Variants in ERI3 observed in about 807,000 individuals in gnomAD.
The protein encoded by ERI3 is ERI1 exoribonuclease 3.
In ERI3, 18 loss-of-function variants were observed where a neutral mutation model predicts 44.4. The ratio of observed to expected loss-of-function variants is 0.41; its 90% CI spans 0.28 to 0.60. The LOEUF (loss-of-function observed/expected upper bound fraction) is 0.60, where lower values mean the gene tolerates loss of function less well. Among genes scored for constraint, ERI3 ranks in the 20% least tolerant of loss-of-function variants. The probability of loss-of-function intolerance (pLI) is 0.36; values close to 1 mark genes in which losing one functional copy is unlikely to be tolerated. For missense variants in ERI3, 294 were observed against 435.5 expected (o/e 0.68, Z 2.89); for synonymous variants, 183 against 164.8 (o/e 1.11, Z -0.84).
chr1:44,225,925 T>C (rs567513542), intron 8 of ERI3, among the ~76,000 whole-genome samples: 14 of 152,320 alleles, frequency 9.2e-5, no homozygotes, highest in African/African-American at 3.1e-4. Context: ...TTGTACCATA[T>C]GGCTTCTGAG....
intron 2 of ERI3, 78 bp from the exon 3 acceptor site, chr1:44,339,400 A>C: frequency 2.2e-6 from 3 of 1,392,282 alleles, no homozygotes; most frequent in African/African-American, 1.5e-5. Flanking sequence ...AGCCTGGGTT[A>C]CTCCCTCCCA....
chr1:44,222,537 G>A (rs1212540939), intron 8 of ERI3, among the ~76,000 whole-genome samples: 4 of 152,188 alleles, frequency 2.6e-5, no homozygotes, highest in African/African-American at 9.7e-5. Flanking sequence ...GAGGCTGGAG[G>A]ATCAGGCCTC....
intron 2 of ERI3, among the ~76,000 whole-genome samples, chr1:44,352,285 T>C (rs1181758384): frequency 6.6e-6 from 1 of 152,140 alleles, no homozygotes; most frequent in Non-Finnish European, 1.5e-5. Context: ...TCAAATACAT[T>C]AGCAAAAGCC....
intron 8 of ERI3, among the ~76,000 whole-genome samples, chr1:44,226,682 T>G (rs1263614157): frequency 6.6e-6 from 1 of 151,902 alleles, no homozygotes; most frequent in African/African-American, 2.4e-5. Flanking sequence ...CAAATTTGGA[T>G]GAGTTAAGTC....
intron 6 of ERI3, among the ~76,000 whole-genome samples, chr1:44,307,679 G>C (rs1243618751): frequency 6.6e-6 from 1 of 152,192 alleles, no homozygotes; most frequent in Non-Finnish European, 1.5e-5. Flanking sequence ...AAGCAGTGGG[G>C]ACAAAGGAGG....
At chr1:44,327,399 T>C (rs183334876) in intron 3 of ERI3, among the ~76,000 whole-genome samples, 1 of 152,350 alleles carries the variant, frequency 6.6e-6, no homozygotes, top group Admixed American at 6.5e-5. Context: ...ATCAGAATAA[T>C]ACTAGTACTA....
chr1:44,221,907 T>A lies in ERI3; in HGVS notation c.932-267A>T, dbSNP rs906824183. On this transcript the variant is annotated intron_variant, in intron 8 of 8. Transcript: ENST00000372257. This position sits in a 1 kb window ranked among gnomAD's most constrained non-coding sequence, Gnocchi z 5.9. ...GCATGTCCCGCCCCAGCCCCAGCGG[T>A]GATGTATGGGCGCCGTCGCAGTAAG... 6.6e-6 allele frequency among the ~76,000 whole-genome samples: 1 copy of A among 152,090 alleles called. No homozygotes were observed. The highest frequency in any genetic ancestry group is 1.5e-5 in the Non-Finnish European group (1 of 68,018).
chr1:44,287,975 A>G (rs1465139291), intron 6 of ERI3, among the ~76,000 whole-genome samples: 4 of 152,192 alleles, frequency 2.6e-5, no homozygotes, highest in Non-Finnish European at 5.9e-5. Flanking sequence ...ACAGGCCAGG[A>G]GTCCTTTTGG....
At chr1:44,303,266 A>G (rs1414156723) in intron 6 of ERI3, among the ~76,000 whole-genome samples, 3 of 152,230 alleles carry the variant, frequency 2.0e-5, no homozygotes, top group African/African-American at 4.8e-5. Context: ...CATTAGCAGC[A>G]TAGTTCTCTA....
At chr1:44,237,938 A>T (rs564364324) in intron 8 of ERI3, among the ~76,000 whole-genome samples, 1 of 151,798 alleles carries the variant, frequency 6.6e-6, no homozygotes, top group South Asian at 2.1e-4. Context: ...GCACAGGCTC[A>T]CTGTAGCCCT....
At position 44,221,624 on chromosome 1, in the gene ERI3, A is replaced by G. The variant is rs1396209957; in HGVS notation, c.948T>C (p.Ile316=). The G allele has an allele frequency of 1.2e-6, 2 of 1,614,126 alleles. No individual in the cohort carries two copies. Among genetic ancestry groups the G allele is most frequent in the Non-Finnish European group, 1.7e-6 (2 of 1,180,004 alleles). ...PHSGIDDCKN[I]ANIMKTLAYR... ...AGGCGAGTGTCTTCATGATGTTGGC[A>G]ATGTTCTTGCAGTCGTCTAAAAAGG... The change falls in exon 9 of 9, where the codon ATT becomes ATC. Residue 316 remains isoleucine (I), a synonymous_variant. Transcript: ENST00000372257. The surrounding 1 kb of genome is among the most constrained non-coding windows in gnomAD (Gnocchi z 5.9).
chr1:44,275,593 T>C (rs948878848), intron 7 of ERI3, among the ~76,000 whole-genome samples: 4 of 152,246 alleles, frequency 2.6e-5, no homozygotes, highest in Non-Finnish European at 5.9e-5. Flanking sequence ...AGAATGTTTC[T>C]TGGAGGGACC....
intron 8 of ERI3, among the ~76,000 whole-genome samples, chr1:44,237,418 G>A (rs1484950574): frequency 6.6e-6 from 1 of 152,184 alleles, no homozygotes; most frequent in Admixed American, 6.5e-5. Context: ...AGATGAAGGA[G>A]CAAATATGGG....
Position 44,221,587 on chromosome 1 carries a change from T to C in ERI3, c.985A>G (p.Ile329Val). Residue 329 changes from isoleucine to valine, a missense_variant, in exon 9 of 9, where the codon ATC becomes GTC. Coordinates refer to ENST00000372257, the MANE Select transcript of ERI3 (RefSeq NM_024066.3). The surrounding 1 kb of genome is among the most constrained non-coding windows in gnomAD (Gnocchi z 5.9). Reference sequence around the variant, plus strand: ...AACGGCTTCGATGTCTGCTTGAAGATGAAGCCTCGATAGGCGAGTGTCTTC... The same window carrying C: ...AACGGCTTCGATGTCTGCTTGAAGACGAAGCCTCGATAGGCGAGTGTCTTC... ...IMKTLAYRGF[I>V]FKQTSKPF 1 of 1,614,202 alleles carries C rather than the reference T, an allele frequency of 6.2e-7. No individual in the cohort carries two copies. The highest frequency in any genetic ancestry group is 8.5e-7 in the Non-Finnish European group (1 of 1,180,030).
At chr1:44,319,963 C>G (rs1557848745) in intron 3 of ERI3, among the ~76,000 whole-genome samples, 1 of 152,146 alleles carries the variant, frequency 6.6e-6, no homozygotes, top group Admixed American at 6.5e-5. Flanking sequence ...AGGGACTGAA[C>G]ACAGCCCTCA....
At chr1:44,330,698 G>A (rs1646410011) in intron 3 of ERI3, among the ~76,000 whole-genome samples, 1 of 152,130 alleles carries the variant, frequency 6.6e-6, no homozygotes, top group Non-Finnish European at 1.5e-5. Flanking sequence ...AGGCTTTTAG[G>A]CTATGGCTCA....
chr1:44,224,564 A>G (rs1643989565), intron 8 of ERI3, among the ~76,000 whole-genome samples: 1 of 152,232 alleles, frequency 6.6e-6, no homozygotes, highest in African/African-American at 2.4e-5. Context: ...AGGACCAAAC[A>G]AGGTGTTGCA....
chr1:44,261,591 A>G (rs947223067), intron 7 of ERI3, among the ~76,000 whole-genome samples: 5 of 152,214 alleles, frequency 3.3e-5, no homozygotes, highest in Non-Finnish European at 5.9e-5. Flanking sequence ...GCGGCCAGAG[A>G]CTGCAGCTAC....
chr1:44,303,328 C>T (rs1645765192), intron 6 of ERI3, among the ~76,000 whole-genome samples: 1 of 152,232 alleles, frequency 6.6e-6, no homozygotes, highest in Non-Finnish European at 1.5e-5. Context: ...CTCCTCTAGT[C>T]TATTTGTCCT....
Sources: allele counts gnomAD v4.1 joint callset (sites outside exome capture counted in the v4.1 genomes callset), GRCh38; gene constraint gnomAD v4.1.1; non-coding constraint Gnocchi (gnomAD v3.1); transcripts MANE v1.5; gene names NCBI Gene and HGNC (gene_info 2026-07-23, HGNC 2026-07-21).